The following TEX11 variants were observed in gnomAD, a reference collection of about 807,000 sequenced individuals.
The protein encoded by TEX11 is testis expressed 11, also known as testis-expressed protein 11.
Under a neutral mutation model 84.4 loss-of-function variants are expected in TEX11, and 7 were observed. That is an observed-to-expected ratio of 0.08 (90% CI 0.05 to 0.16). TEX11 has a LOEUF of 0.16. TEX11 is among the 10% of genes least tolerant of loss of function. The pLI, the probability that TEX11 is intolerant of heterozygous loss-of-function variation, is 1.00. For synonymous variants in TEX11, 264 were observed against 222.8 expected (o/e 1.18, Z -1.64); for missense variants, 551 against 660.5 (o/e 0.83, Z 1.82).
chrX:70,563,829 G>C (rs1262864957), intron 25 of TEX11, among the ~76,000 whole-genome samples: 1 of 111,874 alleles, frequency 8.9e-6, no homozygotes, highest in Non-Finnish European at 1.9e-5. Flanking sequence ...TTTGAATGTT[G>C]AATTCCTGGG....
chrX:70,860,339 C>A (rs1191740745), intron 5 of TEX11, among the ~76,000 whole-genome samples: 1 of 111,711 alleles, frequency 9.0e-6, no homozygotes, highest in Non-Finnish European at 1.9e-5. Flanking sequence ...GCATTTTTCA[C>A]AAAAACTCTA....
intron 28 of TEX11, among the ~76,000 whole-genome samples, chrX:70,538,880 T>C (rs1434252138): frequency 1.9e-5 from 2 of 106,336 alleles, no homozygotes; most frequent in African/African-American, 6.8e-5. Flanking sequence ...TAGATCCCAA[T>C]TGCCTAATCT....
intron 20 of TEX11, among the ~76,000 whole-genome samples, chrX:70,621,087 A>T (rs1034136488): frequency 1.8e-5 from 2 of 111,182 alleles, no homozygotes; most frequent in African/African-American, 6.5e-5. Flanking sequence ...ATGATATGTC[A>T]ATTTAGCTTC....
At chrX:70,692,286 TTCTTAACATGATATCTACCC>T (rs1233341096) in intron 13 of TEX11, among the ~76,000 whole-genome samples, 1 of 111,540 alleles carries the variant, frequency 9.0e-6, no homozygotes, top group Non-Finnish European at 1.9e-5. Context: ...GGTGTAAGAA[TTCTTAACATGATATCTACCC>T]TCTTAACACA....
chrX:70,519,153 T>C, the TEX11 span, among the ~76,000 whole-genome samples: 1 of 112,046 alleles, frequency 8.9e-6, no homozygotes, highest in Non-Finnish European at 1.9e-5. Flanking sequence ...GATCCCATCA[T>C]TATGATATTA....
chrX:70,757,151 TC>T (rs1322574938), intron 9 of TEX11, among the ~76,000 whole-genome samples: 5 of 112,137 alleles, frequency 4.5e-5, no homozygotes, highest in African/African-American at 1.6e-4. Context: ...TGACTGGTGT[TC>T]CTGAAACTGA....
chrX:70,865,947 T>G (rs934894542), intron 4 of TEX11, among the ~76,000 whole-genome samples: 6 of 111,648 alleles, frequency 5.4e-5, no homozygotes, highest in Non-Finnish European at 1.1e-4. Flanking sequence ...TGGAAAGATC[T>G]GAAATCAACA....
intron 7 of TEX11, among the ~76,000 whole-genome samples, chrX:70,843,672 A>G (rs1399916309): frequency 9.0e-6 from 1 of 111,653 alleles, no homozygotes; most frequent in Non-Finnish European, 1.9e-5. Context: ...TGAACAGGCA[A>G]CCTACAAAAT....
intron 17 of TEX11, among the ~76,000 whole-genome samples, chrX:70,647,345 G>C (rs1482537751): frequency 9.0e-6 from 1 of 111,504 alleles, no homozygotes; most frequent in Non-Finnish European, 1.9e-5. Flanking sequence ...GGTGACTATA[G>C]ATTATAACAA....
At chrX:70,655,551 G>A (rs948438553) in intron 16 of TEX11, among the ~76,000 whole-genome samples, 10 of 111,082 alleles carry the variant, frequency 9.0e-5, no homozygotes, top group African/African-American at 2.3e-4. Context: ...TAACTCCATC[G>A]TAAGTCAAGG....
At chrX:70,725,436 G>A (rs925153346) in intron 11 of TEX11, 93 bp from the exon 12 acceptor site, 2 of 525,883 alleles carry the variant, frequency 3.8e-6, no homozygotes, top group African/African-American at 4.6e-5. Context: ...ACCACCTTGG[G>A]ATAACTCATA....
intron 9 of TEX11, among the ~76,000 whole-genome samples, chrX:70,771,533 T>TTTGAAAAAAAC (rs2090971962): frequency 9.0e-6 from 1 of 111,423 alleles, no homozygotes; most frequent in Non-Finnish European, 1.9e-5. Flanking sequence ...TGCAATCTAT[T>TTTGAAAAAAAC]TTGAAAAAAA....
At chrX:70,783,481 G>A (rs1048652808) in intron 9 of TEX11, among the ~76,000 whole-genome samples, 15 of 111,632 alleles carry the variant, frequency 1.3e-4, no homozygotes, top group Non-Finnish European at 3.8e-5. Context: ...ACTAAGATCA[G>A]AGCAGAACTG....
At chrX:70,783,951 A>G (rs1303451524) in intron 9 of TEX11, among the ~76,000 whole-genome samples, 1 of 111,969 alleles carries the variant, frequency 8.9e-6, no homozygotes, top group Non-Finnish European at 1.9e-5. Context: ...ATAGAAAAAG[A>G]GGGAAACCTC....
At chrX:70,679,024 T>C (rs1422792947) in intron 14 of TEX11, 135 bp from the exon 15 acceptor site, 7 of 501,875 alleles carry the variant, frequency 1.4e-5, no homozygotes, top group Non-Finnish European at 2.2e-5. Flanking sequence ...GAGCTGAAGC[T>C]GGACGGTACT....
chrX:70,664,350 G>A (rs934396701), intron 16 of TEX11, among the ~76,000 whole-genome samples: 1 of 111,464 alleles, frequency 9.0e-6, no homozygotes, highest in African/African-American at 3.3e-5. Context: ...ATTATAGGAT[G>A]TTTTGTTGTT....
intron 13 of TEX11, among the ~76,000 whole-genome samples, chrX:70,685,362 T>C (rs2090179644): frequency 9.0e-6 from 1 of 111,053 alleles, no homozygotes; most frequent in African/African-American, 3.3e-5. Context: ...TGAGACTCTG[T>C]CTCAAAAAAA....
intron 9 of TEX11, among the ~76,000 whole-genome samples, chrX:70,798,233 C>T (rs963696661): frequency 2.7e-5 from 3 of 110,062 alleles, no homozygotes; most frequent in Non-Finnish European, 5.7e-5. Context: ...GAAAACAATC[C>T]CATTTATAAT....
intron 9 of TEX11, among the ~76,000 whole-genome samples, chrX:70,773,252 A>C (rs2090982314): frequency 9.0e-6 from 1 of 111,061 alleles, no homozygotes; most frequent in African/African-American, 3.3e-5. Flanking sequence ...TCAAAAAAAA[A>C]GGGAGAATCA....
Sources: allele counts gnomAD v4.1 joint callset (sites outside exome capture counted in the v4.1 genomes callset), GRCh38; gene constraint gnomAD v4.1.1; transcripts MANE v1.5; gene names NCBI Gene and HGNC (gene_info 2026-07-23, HGNC 2026-07-21).